AFG1L: variants seen among roughly 807,000 people sequenced by gnomAD.
AFG1L encodes the protein AFG1 like ATPase.
AFG1L carries 53 observed loss-of-function variants against 62.2 expected under a neutral mutation model. The observed-to-expected ratio is 0.85, with a 90% CI of 0.68 to 1.07. The LOEUF (loss-of-function observed/expected upper bound fraction) is 1.07. AFG1L is among the 50% of genes least tolerant of loss of function. The pLI is 0.00. For synonymous variants in AFG1L, 228 were observed against 210.3 expected (o/e 1.08, Z -0.73); for missense variants, 555 against 590.5 (o/e 0.94, Z 0.62).
intron 8 of AFG1L, among the ~76,000 whole-genome samples, chr6:108,460,270 A>G (rs1772402911): frequency 6.6e-6 from 1 of 152,164 alleles, no homozygotes; most frequent in African/African-American, 2.4e-5. Context: ...AAAGAGAGAG[A>G]GATGGATAGG....
intron 6 of AFG1L, among the ~76,000 whole-genome samples, chr6:108,371,972 A>G (rs1432207038): frequency 1.3e-5 from 2 of 151,936 alleles, no homozygotes; most frequent in Non-Finnish European, 2.9e-5. Context: ...TGCCCAGGCT[A>G]GTCTCAGACT....
Position 108,322,963 on chromosome 6 carries a change from A to G in AFG1L, c.140-862A>G, listed in dbSNP as rs1385580332. On this transcript the variant is annotated intron_variant, in intron 1 of 12. Coordinates refer to ENST00000368977, the MANE Select transcript of AFG1L (RefSeq NM_145315.5). Reference sequence around the variant, plus strand: ...GGATCAGAACACCACCCTGCTTTGAAGCAGACACTCTTGCTGTGTCTCAAT... The same window carrying G: ...GGATCAGAACACCACCCTGCTTTGAGGCAGACACTCTTGCTGTGTCTCAAT... Among the ~76,000 whole-genome samples, 5 of 152,232 alleles carry G rather than the reference A, an allele frequency of 3.3e-5. No homozygotes were observed. The South Asian group carries it at 1.0e-3, about 32-fold the overall frequency.
intron 8 of AFG1L, among the ~76,000 whole-genome samples, chr6:108,462,430 C>T (rs1372614041): frequency 6.6e-6 from 1 of 152,036 alleles, no homozygotes; most frequent in Admixed American, 6.6e-5. Flanking sequence ...AAAACACTCC[C>T]GAATCACAAA....
At chr6:108,400,979 C>CT (rs1162644098) in intron 6 of AFG1L, among the ~76,000 whole-genome samples, 218 of 145,622 alleles carry the variant, frequency 1.5e-3, no homozygotes, top group African/African-American at 5.3e-3. Flanking sequence ...TTCTTTTTTT[C>CT]TTTTTTTTTG....
chr6:108,317,762 TA>T (rs1245368294), intron 1 of AFG1L, among the ~76,000 whole-genome samples: 2 of 152,178 alleles, frequency 1.3e-5, no homozygotes, highest in Non-Finnish European at 2.9e-5. Flanking sequence ...ATTTTAAAGT[TA>T]AACTGTAAAC....
At chr6:108,334,423 G>A (rs1180668560) in intron 2 of AFG1L, among the ~76,000 whole-genome samples, 2 of 151,952 alleles carry the variant, frequency 1.3e-5, no homozygotes, top group Non-Finnish European at 2.9e-5. Context: ...CGGGTGTGGT[G>A]CGTCATGCCT....
At chr6:108,359,162 A>C (rs920152300) in intron 5 of AFG1L, 1 of 152,206 alleles carries the variant, frequency 6.6e-6, no homozygotes. Flanking sequence ...GGCTTATGAA[A>C]GTAAAAGTTC....
chr6:108,472,968 AT>A (rs1250222585), intron 8 of AFG1L, among the ~76,000 whole-genome samples: 3 of 151,872 alleles, frequency 2.0e-5, no homozygotes, highest in Admixed American at 2.0e-4. Context: ...ATGCCGGCTA[AT>A]TTTTGTATTT....
At chr6:108,394,095 T>C (rs576337777) in intron 6 of AFG1L, among the ~76,000 whole-genome samples, 27 of 145,848 alleles carry the variant, frequency 1.9e-4, no homozygotes, top group Admixed American at 9.6e-4. Context: ...TTTCTCTTTC[T>C]CTCTTTTCTT....
intron 11 of AFG1L, among the ~76,000 whole-genome samples, chr6:108,514,018 T>G (rs1774772933): frequency 6.6e-6 from 1 of 152,148 alleles, no homozygotes; most frequent in Non-Finnish European, 1.5e-5. Flanking sequence ...GGAGTGGACC[T>G]CCAGCAAACT....
intron 2 of AFG1L, among the ~76,000 whole-genome samples, chr6:108,336,663 TA>T (rs1292284054): frequency 6.6e-6 from 1 of 152,210 alleles, no homozygotes; most frequent in African/African-American, 2.4e-5. Context: ...TGAATAATTT[TA>T]GGCTTATTTC....
intron 7 of AFG1L, among the ~76,000 whole-genome samples, chr6:108,430,297 G>A (rs527435570): frequency 2.6e-5 from 4 of 152,234 alleles, no homozygotes; most frequent in African/African-American, 9.6e-5. Flanking sequence ...ATACAGTAGG[G>A]CATATAAATA....
chr6:108,336,486 T>C (rs1474694080), intron 2 of AFG1L, among the ~76,000 whole-genome samples: 1 of 152,236 alleles, frequency 6.6e-6, no homozygotes, highest in Non-Finnish European at 1.5e-5. Flanking sequence ...GATCATTTTT[T>C]AATGCTAGAA....
At chr6:108,377,707 G>C (rs955057967) in intron 6 of AFG1L, among the ~76,000 whole-genome samples, 2 of 151,828 alleles carry the variant, frequency 1.3e-5, no homozygotes, top group Admixed American at 1.3e-4. Flanking sequence ...TGGACAGTAT[G>C]GTGACTATAT....
chr6:108,328,819 G>A (rs187294951), intron 2 of AFG1L, among the ~76,000 whole-genome samples: 151 of 152,108 alleles, frequency 9.9e-4, no homozygotes, highest in Non-Finnish European at 1.7e-3. Flanking sequence ...AAAATCTTTG[G>A]CTCTTCTTAG....
At chr6:108,401,432 G>A (rs1458876646) in intron 6 of AFG1L, among the ~76,000 whole-genome samples, 1 of 151,906 alleles carries the variant, frequency 6.6e-6, no homozygotes, top group Non-Finnish European at 1.5e-5. Context: ...GTGAGCCACC[G>A]CGCCCGGCCG....
intron 10 of AFG1L, among the ~76,000 whole-genome samples, chr6:108,507,341 G>A (rs1037422216): frequency 2.0e-5 from 3 of 152,130 alleles, no homozygotes; most frequent in Admixed American, 6.5e-5. Context: ...CAACAATTCC[G>A]CATTCCCCCA....
chr6:108,378,826 CT>C (rs1231545488), intron 6 of AFG1L, among the ~76,000 whole-genome samples: 6 of 150,988 alleles, frequency 4.0e-5, no homozygotes, highest in Admixed American at 1.3e-4. Context: ...TTTTCTTTTT[CT>C]TTTTTTTCCC....
intron 7 of AFG1L, among the ~76,000 whole-genome samples, chr6:108,420,549 G>A (rs750708303): frequency 2.1e-4 from 32 of 151,270 alleles, no homozygotes; most frequent in Non-Finnish European, 3.4e-4. Flanking sequence ...GTGCTGTGTC[G>A]TTGCAATTAA....
Sources: allele counts gnomAD v4.1 joint callset (sites outside exome capture counted in the v4.1 genomes callset), GRCh38; gene constraint gnomAD v4.1.1; transcripts MANE v1.5; gene names NCBI Gene and HGNC (gene_info 2026-07-23, HGNC 2026-07-21).